The following SLC10A7 variants were observed in gnomAD, a reference collection of about 807,000 sequenced individuals.
SLC10A7 encodes the protein solute carrier family 10 member 7.
SLC10A7 carries 29 observed loss-of-function variants against 43.2 expected under a neutral mutation model. The ratio of observed to expected loss-of-function variants is 0.67; its 90% CI spans 0.50 to 0.92. SLC10A7 has a LOEUF of 0.92. Among genes scored for constraint, SLC10A7 ranks in the 40% least tolerant of loss-of-function variants. The pLI, the probability that SLC10A7 is intolerant of heterozygous loss-of-function variation, is 0.00. For synonymous variants in SLC10A7, 152 were observed against 144.8 expected, an observed-to-expected ratio of 1.05 and a Z score of -0.35; for missense variants, 295 against 403.2, an observed-to-expected ratio of 0.73 and a Z score of 2.30.
chr4:146,476,370 A>G (rs1434329003), intron 4 of SLC10A7, among the ~76,000 whole-genome samples: 1 of 152,222 alleles, frequency 6.6e-6, no homozygotes, highest in East Asian at 1.9e-4. Context: ...CCAATGGCCA[A>G]TGCAAAATAA....
At chr4:146,485,101 C>A (rs1376566214) in intron 4 of SLC10A7, among the ~76,000 whole-genome samples, 1 of 152,148 alleles carries the variant, frequency 6.6e-6, no homozygotes, top group Non-Finnish European at 1.5e-5. Flanking sequence ...AGAAGCAAAA[C>A]AGTAAAACTT....
intron 5 of SLC10A7, among the ~76,000 whole-genome samples, chr4:146,347,192 C>T (rs1734686354): frequency 6.6e-6 from 1 of 152,030 alleles, no homozygotes; most frequent in Non-Finnish European, 1.5e-5. Context: ...GGCCTGTAGA[C>T]AAGGAAGTGT....
intron 5 of SLC10A7, among the ~76,000 whole-genome samples, chr4:146,392,614 A>G (rs1325432869): frequency 6.6e-6 from 1 of 152,196 alleles, no homozygotes; most frequent in African/African-American, 2.4e-5. Flanking sequence ...CCCAGGGCTC[A>G]TCACCTATGA....
intron 5 of SLC10A7, among the ~76,000 whole-genome samples, chr4:146,418,225 G>A (rs181703087): frequency 6.2e-4 from 94 of 152,220 alleles, no homozygotes; most frequent in Admixed American, 1.6e-3. Flanking sequence ...TTCAAACATT[G>A]TCCAATGTTA....
At chr4:146,472,821 C>T (rs1022379737) in intron 4 of SLC10A7, among the ~76,000 whole-genome samples, 4 of 152,180 alleles carry the variant, frequency 2.6e-5, no homozygotes, top group African/African-American at 7.2e-5. Context: ...TGATTTGAAT[C>T]TACATTTCTG....
At chr4:146,459,629 G>A (rs13435029) in intron 4 of SLC10A7, among the ~76,000 whole-genome samples, 3 of 149,898 alleles carry the variant, frequency 2.0e-5, no homozygotes, top group Non-Finnish European at 4.5e-5. Context: ...AAAAAAAAAC[G>A]AAAAACTCTG....
intron 10 of SLC10A7, among the ~76,000 whole-genome samples, chr4:146,269,230 C>A (rs1728750119): frequency 6.6e-6 from 1 of 152,346 alleles, no homozygotes; most frequent in African/African-American, 2.4e-5. Context: ...TCACCAGGTG[C>A]TGACAATGAA....
intron 3 of SLC10A7, among the ~76,000 whole-genome samples, chr4:146,506,343 G>A (rs761527022): frequency 1.4e-4 from 21 of 152,148 alleles, no homozygotes; most frequent in Non-Finnish European, 2.8e-4. Flanking sequence ...TTAAAAAGAA[G>A]TAAAGACATT....
intron 5 of SLC10A7, among the ~76,000 whole-genome samples, chr4:146,408,008 G>A (rs1442740983): frequency 1.3e-5 from 2 of 152,130 alleles, no homozygotes; most frequent in African/African-American, 4.8e-5. Context: ...CTGTTCCCTT[G>A]GATAGATACT....
intron 3 of SLC10A7, among the ~76,000 whole-genome samples, chr4:146,507,765 T>G (rs1381083832): frequency 6.6e-6 from 1 of 152,162 alleles, no homozygotes; most frequent in African/African-American, 2.4e-5. Context: ...ACATCTTTAT[T>G]TCAACAACTT....
intron 4 of SLC10A7, among the ~76,000 whole-genome samples, chr4:146,493,766 AATACTT>A (rs1735658527): frequency 6.6e-6 from 1 of 152,216 alleles, no homozygotes; most frequent in African/African-American, 2.4e-5. Context: ...TATGACAAGA[AATACTT>A]ATACAAAAAA....
intron 5 of SLC10A7, among the ~76,000 whole-genome samples, chr4:146,334,046 G>A (rs138368739): frequency 2.0e-5 from 3 of 151,996 alleles, no homozygotes; most frequent in Non-Finnish European, 2.9e-5. Context: ...ACAGAAGGAA[G>A]AACAGTTTCT....
At chr4:146,296,722 C>G (rs1263592480) in intron 7 of SLC10A7, among the ~76,000 whole-genome samples, 1 of 152,138 alleles carries the variant, frequency 6.6e-6, no homozygotes, top group Non-Finnish European at 1.5e-5. Context: ...GCTTTTCCAT[C>G]TTCCTCTAAA....
At chr4:146,398,186 T>A (rs1738972701) in intron 5 of SLC10A7, among the ~76,000 whole-genome samples, 1 of 152,160 alleles carries the variant, frequency 6.6e-6, no homozygotes, top group Admixed American at 6.6e-5. Flanking sequence ...AATAGATAAA[T>A]CTTTTTACAT....
intron 10 of SLC10A7, among the ~76,000 whole-genome samples, chr4:146,263,586 C>A (rs191509785): frequency 2.6e-5 from 4 of 152,110 alleles, no homozygotes; most frequent in Non-Finnish European, 5.9e-5. Flanking sequence ...GCTATCACTG[C>A]GGTAATATAA....
At chr4:146,287,054 CTGAGTTTGGAGTGGTGAGAAGGACT>C (rs1730057715) in intron 9 of SLC10A7, among the ~76,000 whole-genome samples, 2 of 146,120 alleles carry the variant, frequency 1.4e-5, no homozygotes, top group Non-Finnish European at 3.0e-5. Flanking sequence ...GTGAGAGGGA[CTGAGTTTGGAGTGGTGAGAAGGACT>C]GTGTTTCGAG....
intron 9 of SLC10A7, among the ~76,000 whole-genome samples, chr4:146,285,872 T>G (rs919535179): frequency 1.3e-5 from 2 of 150,538 alleles, no homozygotes; most frequent in Admixed American, 6.6e-5. Context: ...AGGACTGAAC[T>G]TGGAGAGGTG....
At chr4:146,453,819 CT>C (rs1731808266) in intron 4 of SLC10A7, among the ~76,000 whole-genome samples, 1 of 151,874 alleles carries the variant, frequency 6.6e-6, no homozygotes, top group Non-Finnish European at 1.5e-5. Context: ...AAACAGACAC[CT>C]TTTAACACTT....
intron 4 of SLC10A7, among the ~76,000 whole-genome samples, chr4:146,472,881 G>C (rs1391166615): frequency 6.6e-6 from 1 of 152,076 alleles, no homozygotes; most frequent in South Asian, 2.1e-4. Context: ...TTAAAGTCTA[G>C]TTGTCTAAAG....
Sources: gnomAD v4.1 joint callset for allele counts (sites outside exome capture counted in the v4.1 genomes callset) on GRCh38, gnomAD v4.1.1 for gene constraint, MANE v1.5 for transcripts, NCBI Gene and HGNC (gene_info 2026-07-23, HGNC 2026-07-21) for gene names.